CPA6: variants seen among roughly 807,000 people sequenced by gnomAD.
CPA6 encodes carboxypeptidase A6.
A neutral mutation model predicts 63.3 loss-of-function variants in CPA6; 58 were observed. The ratio of observed to expected loss-of-function variants is 0.92; its 90% CI spans 0.74 to 1.14. The LOEUF (loss-of-function observed/expected upper bound fraction) is 1.14, where lower values mean the gene tolerates loss of function less well. Ranked by LOEUF, CPA6 falls within the 50% of genes most tolerant of loss-of-function variation. The pLI, the probability that CPA6 is intolerant of heterozygous loss-of-function variation, is 0.00. For synonymous variants in CPA6, 185 were observed against 179.0 expected (o/e 1.03, Z -0.27); for missense variants, 565 against 526.6 (o/e 1.07, Z -0.71).
chr8:67,666,865 G>A (rs1270467995), intron 1 of CPA6, among the ~76,000 whole-genome samples: 8 of 152,110 alleles, frequency 5.3e-5, no homozygotes, highest in Non-Finnish European at 7.4e-5. Flanking sequence ...TGCCCCCTAA[G>A]CATTTCACCG....
chr8:67,496,522 TATATATATATATATA>T (rs1811716507), intron 6 of CPA6, among the ~76,000 whole-genome samples: 1 of 15,652 alleles, frequency 6.4e-5, no homozygotes, highest in African/African-American at 1.2e-4. Context: ...ATATAGTTTA[TATATATATATATATA>T]TATATATATA....
intron 8 of CPA6, among the ~76,000 whole-genome samples, chr8:67,447,853 C>T (rs1244318298): frequency 2.0e-5 from 3 of 152,270 alleles, no homozygotes; most frequent in South Asian, 4.1e-4. Context: ...GGCACCATCT[C>T]AGCTCACTGC....
chr8:67,685,998 A>G (rs1351678211), intron 1 of CPA6, among the ~76,000 whole-genome samples: 1 of 152,134 alleles, frequency 6.6e-6, no homozygotes, highest in Non-Finnish European at 1.5e-5. Flanking sequence ...AGGTTTCTTC[A>G]CAGCACTCAC....
intron 2 of CPA6, among the ~76,000 whole-genome samples, chr8:67,619,969 T>C (rs1815042661): frequency 6.6e-6 from 1 of 152,224 alleles, no homozygotes. Flanking sequence ...GGTCTGTTAC[T>C]GCACAATGGG....
intron 1 of CPA6, among the ~76,000 whole-genome samples, chr8:67,698,464 T>C (rs1188478510): frequency 2.0e-5 from 3 of 152,208 alleles, no homozygotes; most frequent in Non-Finnish European, 2.9e-5. Flanking sequence ...GATCCTCCAA[T>C]GTGCTCTTTG....
chr8:67,715,416 T>A (rs1047372642), intron 1 of CPA6, among the ~76,000 whole-genome samples: 1 of 152,244 alleles, frequency 6.6e-6, no homozygotes, highest in African/African-American at 2.4e-5. Context: ...TTCTCTGCAA[T>A]GTTTGAAGTG....
chr8:67,477,726 G>C (rs1188630764), intron 8 of CPA6, among the ~76,000 whole-genome samples: 1 of 152,178 alleles, frequency 6.6e-6, no homozygotes, highest in Admixed American at 6.5e-5. Context: ...AAGTTACCTG[G>C]ATCAGAGCTT....
At chr8:67,552,441 A>G (rs1484391164) in intron 2 of CPA6, among the ~76,000 whole-genome samples, 3 of 152,218 alleles carry the variant, frequency 2.0e-5, no homozygotes, top group African/African-American at 7.2e-5. Context: ...ACAAAACACA[A>G]ATTAATGTGA....
chr8:67,541,619 T>C (rs1313403264), intron 2 of CPA6, among the ~76,000 whole-genome samples: 1 of 152,118 alleles, frequency 6.6e-6, no homozygotes, highest in Non-Finnish European at 1.5e-5. Flanking sequence ...AGCTCGGTTG[T>C]TGGAGATGTG....
chr8:67,487,662 T>C (rs1010797166), intron 6 of CPA6, among the ~76,000 whole-genome samples: 1 of 152,334 alleles, frequency 6.6e-6, no homozygotes, highest in East Asian at 1.9e-4. Context: ...TAGTTTACAG[T>C]CCCACCAACA....
chr8:67,472,373 T>TTTTATTTTATCTTA, intron 8 of CPA6, among the ~76,000 whole-genome samples: 1 of 51,830 alleles, frequency 1.9e-5, no homozygotes, highest in African/African-American at 1.5e-4. Flanking sequence ...AAAAGATTTA[T>TTTTATTTTATCTTA]TTTTTTATTT....
At chr8:67,515,977 G>A (rs61246408) in intron 3 of CPA6, among the ~76,000 whole-genome samples, 7,379 of 151,970 alleles carry the variant, frequency 0.049, 581 homozygotes, top group African/African-American at 0.17. Flanking sequence ...CCCCTCATCC[G>A]TCCTAGATGC....
chr8:67,573,922 C>CAAAAAAAAA (rs1813555947), intron 2 of CPA6, among the ~76,000 whole-genome samples: 1 of 104,922 alleles, frequency 9.5e-6, no homozygotes, highest in African/African-American at 4.0e-5. Flanking sequence ...AAAAAAAAAT[C>CAAAAAAAAA]AAGGAAAGAA....
rs61054637 is a variant in CPA6 at position 67,642,793 on chromosome 8, TCA to T, written c.117-18544_117-18543del. On this transcript the variant is annotated intron_variant, in intron 1 of 10. Coordinates refer to ENST00000297770, the MANE Select transcript of CPA6 (RefSeq NM_020361.5). ...AAAATAATTAACTTGGGCCTTTATC[TCA>T]CACACACACACACACACACACACAC... 9.4e-3 allele frequency among the ~76,000 whole-genome samples: 1,355 copies of T among 144,868 alleles called. 8 individuals are homozygous for T. The highest frequency in any genetic ancestry group is 0.018 in the Middle Eastern group (5 of 284).
intron 6 of CPA6, among the ~76,000 whole-genome samples, chr8:67,501,403 A>G (rs980264264): frequency 2.6e-5 from 4 of 152,066 alleles, no homozygotes; most frequent in Non-Finnish European, 5.9e-5. Flanking sequence ...TTGATTTTGT[A>G]TGTTTATCTT....
intron 6 of CPA6, among the ~76,000 whole-genome samples, chr8:67,494,029 A>T (rs1442808872): frequency 6.6e-6 from 1 of 152,216 alleles, no homozygotes; most frequent in African/African-American, 2.4e-5. Context: ...TTTTAAAAAC[A>T]TAGTCATTTT....
rs1445717835 is a variant in CPA6 at position 67,509,633 on chromosome 8, A to G, written c.433-15T>C. The stretch of plus-strand genomic sequence containing the variant: ...CAATTTTGAATCTAAGAGCAAATAA[A>G]TAAAAACTATGTTAGACTCTCTCAA... On this transcript the variant is annotated splice_polypyrimidine_tract_variant and intron_variant, in intron 4 of 10. Coordinates refer to ENST00000297770, the MANE Select transcript of CPA6 (RefSeq NM_020361.5). 1 of 1,332,254 alleles carries G rather than the reference A, an allele frequency of 7.5e-7. No individual in the cohort carries two copies. Among genetic ancestry groups the G allele is most frequent in the South Asian group, 1.2e-5 (1 of 80,058 alleles). 82.5% of individuals were successfully genotyped at this position (1,332,254 alleles called of 1,614,324 possible).
chr8:67,465,355 T>G (rs534222731), intron 8 of CPA6, among the ~76,000 whole-genome samples: 7 of 152,338 alleles, frequency 4.6e-5, no homozygotes, highest in Admixed American at 4.6e-4. Context: ...TTTTCTATCT[T>G]GAAACTTAAC....
chr8:67,484,644 G>A, intron 7 of CPA6, 35 bp downstream of exon 7: 1 of 1,088,974 alleles, frequency 9.2e-7, no homozygotes, highest in Non-Finnish European at 1.4e-6. Context: ...GATTTATTTA[G>A]TCCTCTTTTC....
Sources: allele counts gnomAD v4.1 joint callset (sites outside exome capture counted in the v4.1 genomes callset), GRCh38; gene constraint gnomAD v4.1.1; transcripts MANE v1.5; gene names NCBI Gene and HGNC (gene_info 2026-07-23, HGNC 2026-07-21).